TBC1D5: variants seen among roughly 807,000 people sequenced by gnomAD.
TBC1D5 encodes TBC1 domain family member 5.
Under a neutral mutation model 100.3 loss-of-function variants are expected in TBC1D5, and 75 were observed. That is an observed-to-expected ratio of 0.75 (90% CI 0.62 to 0.91). TBC1D5 has a LOEUF of 0.91. Among genes scored for constraint, TBC1D5 ranks in the 40% least tolerant of loss-of-function variants. The pLI, the probability that TBC1D5 is intolerant of heterozygous loss-of-function variation, is 0.00. For synonymous variants in TBC1D5, 323 were observed against 325.6 expected (o/e 0.99, Z 0.09); for missense variants, 910 against 942.4 (o/e 0.97, Z 0.45).
intron 15 of TBC1D5, among the ~76,000 whole-genome samples, chr3:17,264,234 A>G (rs2078631860): frequency 1.3e-5 from 2 of 152,150 alleles, no homozygotes; most frequent in South Asian, 2.1e-4. Flanking sequence ...ACACATAACT[A>G]TAAGGTGGTA....
At chr3:17,365,288 T>C (rs1193273466) in intron 13 of TBC1D5, among the ~76,000 whole-genome samples, 3 of 152,220 alleles carry the variant, frequency 2.0e-5, no homozygotes, top group Admixed American at 2.0e-4. Context: ...GAAAGGCATG[T>C]GGATGGTACC....
intron 1 of TBC1D5, among the ~76,000 whole-genome samples, chr3:17,657,789 C>G (rs950391763): frequency 2.6e-5 from 4 of 152,186 alleles, no homozygotes; most frequent in Admixed American, 2.6e-4. Flanking sequence ...TATCTTATTT[C>G]CCTTATGACC....
intron 17 of TBC1D5, among the ~76,000 whole-genome samples, chr3:17,220,254 C>A (rs576894710): frequency 2.6e-4 from 39 of 152,156 alleles, no homozygotes; most frequent in Non-Finnish European, 4.3e-4. Context: ...AAGATTTTAA[C>A]AATTTATAAA....
intron 2 of TBC1D5, among the ~76,000 whole-genome samples, chr3:17,579,191 G>A (rs1207990171): frequency 4.0e-5 from 6 of 151,854 alleles, no homozygotes; most frequent in African/African-American, 1.5e-4. Context: ...CTTTAAATGG[G>A]TCAGTTGTTC....
At chr3:17,459,808 T>A (rs2095168240) in intron 3 of TBC1D5, among the ~76,000 whole-genome samples, 1 of 152,112 alleles carries the variant, frequency 6.6e-6, no homozygotes, top group Admixed American at 6.5e-5. Flanking sequence ...GAATTGCTCG[T>A]AACACATAGA....
chr3:17,581,484 A>G (rs1407039351), intron 2 of TBC1D5, among the ~76,000 whole-genome samples: 2 of 152,172 alleles, frequency 1.3e-5, no homozygotes, highest in East Asian at 1.9e-4. Context: ...ATCTTCTCCC[A>G]GAAATGTACT....
intron 2 of TBC1D5, among the ~76,000 whole-genome samples, chr3:17,574,215 T>C (rs944209954): frequency 6.6e-6 from 1 of 152,016 alleles, no homozygotes; most frequent in Non-Finnish European, 1.5e-5. Context: ...ATGGCACATC[T>C]ATCCTTGTGC....
At chr3:17,717,476 C>T (rs2075336200) in intron 1 of TBC1D5, among the ~76,000 whole-genome samples, 1 of 152,132 alleles carries the variant, frequency 6.6e-6, no homozygotes, top group Non-Finnish European at 1.5e-5. Context: ...AATTAATACA[C>T]ATTTCTTACC....
At chr3:17,412,188 A>G (rs1260679753) in intron 4 of TBC1D5, among the ~76,000 whole-genome samples, 2 of 152,120 alleles carry the variant, frequency 1.3e-5, no homozygotes, top group Non-Finnish European at 2.9e-5. Context: ...CTTCAAAATT[A>G]AAACTTAGGA....
At chr3:17,179,342 T>G (rs2068179710) in intron 19 of TBC1D5, among the ~76,000 whole-genome samples, 1 of 152,250 alleles carries the variant, frequency 6.6e-6, no homozygotes, top group African/African-American at 2.4e-5. Flanking sequence ...CCAAAGATAT[T>G]CATTGAAAGT....
At chr3:17,369,029 A>G (rs1024798021) in intron 13 of TBC1D5, among the ~76,000 whole-genome samples, 7 of 152,230 alleles carry the variant, frequency 4.6e-5, no homozygotes, top group Admixed American at 6.5e-5. Context: ...TGTGTGATAC[A>G]GAATAAGATA....
At chr3:17,463,161 T>A (rs188538940) in intron 3 of TBC1D5, among the ~76,000 whole-genome samples, 1 of 152,330 alleles carries the variant, frequency 6.6e-6, no homozygotes, top group Admixed American at 6.5e-5. Flanking sequence ...TGCATTTTAG[T>A]TTGTAGAGAT....
chr3:17,622,223 C>A (rs1432540123), intron 2 of TBC1D5, among the ~76,000 whole-genome samples: 2 of 152,158 alleles, frequency 1.3e-5, no homozygotes, highest in African/African-American at 4.8e-5. Flanking sequence ...GGTTTGCACA[C>A]CCATGAGAAT....
At chr3:17,297,522 G>C (rs1228490313) in intron 14 of TBC1D5, among the ~76,000 whole-genome samples, 1 of 150,954 alleles carries the variant, frequency 6.6e-6, no homozygotes, top group Non-Finnish European at 1.5e-5. Context: ...GTTGCAGTGA[G>C]CCCAGATCAC....
intron 2 of TBC1D5, among the ~76,000 whole-genome samples, chr3:17,602,946 C>T (rs1445133556): frequency 6.6e-6 from 1 of 151,876 alleles, no homozygotes; most frequent in Admixed American, 6.6e-5. Context: ...CCAGACGGAA[C>T]CAAAATACAT....
exon 1 of TBC1D5, chr3:17,740,650 C>T (rs913934052): frequency 3.3e-5 from 5 of 152,068 alleles, no homozygotes; most frequent in African/African-American, 1.2e-4. Context: ...GTTAGAACAC[C>T]CACTGTACGA....
chr3:17,349,496 C>T (rs2090303504), intron 13 of TBC1D5, among the ~76,000 whole-genome samples: 1 of 152,068 alleles, frequency 6.6e-6, no homozygotes, highest in Non-Finnish European at 1.5e-5. Flanking sequence ...TTCTCATTTC[C>T]CATGCATTTT....
At chr3:17,497,826 G>C (rs1382303576) in intron 3 of TBC1D5, among the ~76,000 whole-genome samples, 1 of 152,154 alleles carries the variant, frequency 6.6e-6, no homozygotes, top group Non-Finnish European at 1.5e-5. Context: ...TCTCTGACTT[G>C]AGTGAGTAAA....
intron 1 of TBC1D5, among the ~76,000 whole-genome samples, chr3:17,707,287 T>TG (rs138572185): frequency 6.6e-6 from 1 of 152,038 alleles, no homozygotes; most frequent in Non-Finnish European, 1.5e-5. Flanking sequence ...CTCTGTGTTC[T>TG]GGGGGAAAAA....
Sources: gnomAD v4.1 joint callset for allele counts (sites outside exome capture counted in the v4.1 genomes callset) on GRCh38, gnomAD v4.1.1 for gene constraint, MANE v1.5 for transcripts, NCBI Gene and HGNC (gene_info 2026-07-23, HGNC 2026-07-21) for gene names.